Variants in HEPH observed in about 807,000 individuals in gnomAD.
HEPH encodes hephaestin.
Under a neutral mutation model 80.8 loss-of-function variants are expected in HEPH, and 69 were observed. The ratio of observed to expected loss-of-function variants is 0.85; its 90% CI spans 0.70 to 1.04. HEPH has a LOEUF of 1.04. Among genes scored for constraint, HEPH ranks in the 50% least tolerant of loss-of-function variants. The pLI is 0.00. For synonymous variants in HEPH, 431 were observed against 322.8 expected, an observed-to-expected ratio of 1.34 and a Z score of -3.60; for missense variants, 1,115 against 891.3, an observed-to-expected ratio of 1.25 and a Z score of -3.20.
intron 15 of HEPH, among the ~76,000 whole-genome samples, chrX:66,248,742 G>A (rs1380963584): frequency 9.8e-5 from 11 of 111,886 alleles, no homozygotes; most frequent in Non-Finnish European, 1.9e-5. Flanking sequence ...TAGTTAAGAT[G>A]AAAAAGGCAT....
chrX:66,189,511 C>T (rs1213992801), intron 5 of HEPH, among the ~76,000 whole-genome samples, 173 bp from the exon 6 acceptor site: 1 of 111,409 alleles, frequency 9.0e-6, no homozygotes, highest in Non-Finnish European at 1.9e-5. Flanking sequence ...CTAATGATAT[C>T]TGCCTATTTC....
chrX:66,215,060 G>T (rs1056039193), intron 15 of HEPH, among the ~76,000 whole-genome samples: 3 of 111,280 alleles, frequency 2.7e-5, no homozygotes, highest in East Asian at 5.6e-4. Flanking sequence ...AATTTGGAGA[G>T]AATTTACATC....
chrX:66,188,736 C>T (rs1389289372), intron 5 of HEPH, among the ~76,000 whole-genome samples, 195 bp downstream of exon 5: 1 of 112,289 alleles, frequency 8.9e-6, no homozygotes, highest in African/African-American at 3.2e-5. Flanking sequence ...AGATAAATGG[C>T]ACAGCTAAAA....
At position 66,229,653 on chromosome X, in the gene HEPH, T is replaced by A. The variant is rs2090038626; in HGVS notation, c.2563+21407T>A. ...CCTCTATAAAGTACCTTTTCCAAGA[T>A]GTTTATACCAGATATATCTTAATCT... On this transcript the variant is annotated intron_variant, in intron 15 of 20. Coordinates refer to ENST00000343002, the MANE Select transcript of HEPH (RefSeq NM_001367233.3). 2.7e-5 allele frequency among the ~76,000 whole-genome samples: 3 copies of A among 112,182 alleles called. No individual in the cohort carries two copies. In the Admixed American group the frequency reaches 2.8e-4, roughly 11 times the overall value.
At chrX:66,193,374 GTTAAC>G in intron 7 of HEPH, 123 bp from the exon 8 acceptor site, 2 of 381,176 alleles carry the variant, frequency 5.2e-6, no homozygotes, top group South Asian at 1.5e-4. Flanking sequence ...ACTGGTGGGA[GTTAAC>G]TTAGATGAGC....
At chrX:66,222,343 C>A (rs1253965943) in intron 15 of HEPH, among the ~76,000 whole-genome samples, 3 of 112,276 alleles carry the variant, frequency 2.7e-5, no homozygotes, top group Non-Finnish European at 3.8e-5. Flanking sequence ...GCAGCCCACA[C>A]CTGGTTGACT....
intron 1 of HEPH, among the ~76,000 whole-genome samples, chrX:66,168,048 G>A (rs761359382): frequency 2.7e-5 from 3 of 112,017 alleles, no homozygotes; most frequent in Non-Finnish European, 5.6e-5. Flanking sequence ...CTCAAGGAGT[G>A]TGTAGTCCAA....
intron 4 of HEPH, among the ~76,000 whole-genome samples, chrX:66,187,763 A>C (rs1441916538): frequency 9.0e-6 from 1 of 111,438 alleles, no homozygotes; most frequent in African/African-American, 3.3e-5. Context: ...AAGCCTCCAC[A>C]TGCTGCTCTG....
At chrX:66,228,358 G>T (rs145224904) in intron 15 of HEPH, among the ~76,000 whole-genome samples, 1 of 111,783 alleles carries the variant, frequency 8.9e-6, no homozygotes, top group African/African-American at 3.2e-5. Flanking sequence ...AAACCATATC[G>T]CTCACCTTAT....
At chrX:66,265,924 T>A (rs1192712949) in intron 20 of HEPH, among the ~76,000 whole-genome samples, 1 of 111,755 alleles carries the variant, frequency 8.9e-6, no homozygotes, top group Non-Finnish European at 1.9e-5. Flanking sequence ...AATCAGATAT[T>A]TCTCTTGGAA....
chrX:66,244,888 T>A (rs1350928357), intron 15 of HEPH, among the ~76,000 whole-genome samples: 1 of 104,029 alleles, frequency 9.6e-6, no homozygotes, highest in Non-Finnish European at 1.9e-5. Context: ...GTGGGTTCAG[T>A]AGAATGTTTT....
chrX:66,190,522 A>G (rs1269798241), intron 6 of HEPH, among the ~76,000 whole-genome samples: 1 of 111,673 alleles, frequency 9.0e-6, no homozygotes, highest in Admixed American at 9.5e-5. Flanking sequence ...TTAGGTTTGA[A>G]TGGTAGTCTT....
intron 11 of HEPH, among the ~76,000 whole-genome samples, chrX:66,199,738 G>T (rs2088318172): frequency 8.9e-6 from 1 of 112,253 alleles, no homozygotes; most frequent in African/African-American, 3.2e-5. Context: ...AAATTTTCAT[G>T]GATCGAAGAG....
At chrX:66,170,471 T>C in intron 1 of HEPH, 87 bp from the exon 2 acceptor site, 1 of 844,024 alleles carries the variant, frequency 1.2e-6, no homozygotes. Flanking sequence ...TCAACCTGGC[T>C]CTTGCCTCTT....
rs3747359 is a variant in HEPH at position 66,197,883 on chromosome X, G to C, written c.1702G>C (p.Asp568His). 2.6e-4 allele frequency: 315 copies of C among 1,195,567 alleles called. 1 individual carries two copies. The East Asian group carries it at 7.3e-3, about 28-fold the overall frequency. ...LVCRAGALGA[D>H]GKQKGVDKEF... is the part of the protein sequence containing the mutation. ...GTGCAGGGCTGGTGCCTTGGGTGCAGATGGCAAGCAGGTATTGTCAGGGTT... is the reference window on the plus strand; with the variant it reads ...GTGCAGGGCTGGTGCCTTGGGTGCACATGGCAAGCAGGTATTGTCAGGGTT... The change falls in exon 10 of 21, where the codon GAT becomes CAT. Residue 568 changes from aspartate to histidine, a missense_variant. By Grantham distance (81) the Asp-to-His change is moderately conservative (BLOSUM62 -1). Around this residue, in one of 3 missense-constraint regions of HEPH, gnomAD observed 716 missense variants for 523.5 expected, o/e 1.37. Transcript: ENST00000343002.
intron 15 of HEPH, among the ~76,000 whole-genome samples, chrX:66,233,894 T>G (rs1428402944): frequency 1.8e-5 from 2 of 111,220 alleles, no homozygotes; most frequent in Non-Finnish European, 3.8e-5. Flanking sequence ...TATTTATTTA[T>G]TTAGTTTATT....
chrX:66,204,916 T>A (rs942817501), intron 13 of HEPH, among the ~76,000 whole-genome samples: 4 of 112,090 alleles, frequency 3.6e-5, no homozygotes, highest in East Asian at 2.8e-4. Context: ...ATGGTTTTTT[T>A]AATAATTTGG....
At chrX:66,197,545 C>T in intron 9 of HEPH, 138 bp from the exon 10 acceptor site, 3 of 483,908 alleles carry the variant, frequency 6.2e-6, no homozygotes, top group Non-Finnish European at 7.1e-6. Flanking sequence ...CAGAGTTCTC[C>T]TCATTATTCA....
intron 13 of HEPH, among the ~76,000 whole-genome samples, chrX:66,204,767 T>C (rs2088668753): frequency 1.8e-5 from 2 of 112,346 alleles, no homozygotes; most frequent in Non-Finnish European, 3.8e-5. Context: ...TCCTCTCACT[T>C]GTTTCTGATC....
Sources: gnomAD v4.1 joint callset for allele counts (sites outside exome capture counted in the v4.1 genomes callset) on GRCh38, gnomAD v4.1.1 for gene constraint, gnomAD v4.1.1 regional missense constraint, MANE v1.5 for transcripts, NCBI Gene and HGNC (gene_info 2026-07-23, HGNC 2026-07-21) for gene names.